Variants in CAPG observed in about 807,000 individuals in gnomAD.
CAPG encodes the protein macrophage-capping protein.
CAPG carries 32 observed loss-of-function variants against 44.6 expected under a neutral mutation model. The observed-to-expected ratio is 0.72, with a 90% CI of 0.54 to 0.96. The LOEUF is 0.96. Among genes scored for constraint, CAPG ranks in the 50% least tolerant of loss-of-function variants. The probability of loss-of-function intolerance (pLI) is 0.00; values close to 1 mark genes in which losing one functional copy is unlikely to be tolerated. For synonymous variants in CAPG, 175 were observed against 179.6 expected (o/e 0.97, Z 0.20); for missense variants, 412 against 438.3 (o/e 0.94, Z 0.54).
In CAPG at chr2:85,398,077, A is replaced by G. The variant is rs780829751; in HGVS notation, c.835T>C (p.Ser279Pro). 2 of 1,614,108 alleles carry G rather than the reference A, an allele frequency of 1.2e-6. No homozygotes were observed. Among genetic ancestry groups the G allele is most frequent in the Non-Finnish European group, 1.7e-6 (2 of 1,179,994 alleles). ...TTGTCCAGCACAAAGCAGTCATCAGATATCAGCAGTTCAAGGGCAAATGGG... is the reference window on the plus strand; with the variant it reads ...TTGTCCAGCACAAAGCAGTCATCAGGTATCAGCAGTTCAAGGGCAAATGGG... ...SSPFALELLI[S>P]DDCFVLDNGL... Residue 279 changes from serine to proline, a missense_variant, in exon 8 of 10, where the codon TCT becomes CCT. Physicochemically the swap from Ser to Pro is moderately conservative, Grantham distance 74. Coordinates refer to ENST00000263867, the MANE Select transcript of CAPG (RefSeq NM_001747.4).
intron 1 of CAPG, among the ~76,000 whole-genome samples, chr2:85,403,984 C>T (rs75000263): frequency 0.032 from 4,760 of 150,832 alleles, 147 homozygotes; most frequent in Non-Finnish European, 0.044. Flanking sequence ...AGGTTTATCC[C>T]AGGAATGCAA....
intron 5 of CAPG, 64 bp downstream of exon 5, chr2:85,401,101 T>C: frequency 6.7e-7 from 1 of 1,494,756 alleles, no homozygotes; most frequent in South Asian, 1.2e-5. Context: ...CCTGGCCTCC[T>C]GCCCCTCCGT....
chr2:85,405,080 T>C (rs1270949804), intron 1 of CAPG, among the ~76,000 whole-genome samples: 1 of 152,088 alleles, frequency 6.6e-6, no homozygotes, highest in Admixed American at 6.6e-5. Context: ...GCTCTAATTC[T>C]AAACTCCCTC....
chr2:85,412,223 G>A (rs1282181293), upstream of CAPG, among the ~76,000 whole-genome samples: 1 of 152,050 alleles, frequency 6.6e-6, no homozygotes, highest in East Asian at 1.9e-4. Context: ...TAAAAATAGG[G>A]TAATATGGGC....
upstream of CAPG, among the ~76,000 whole-genome samples, chr2:85,412,661 C>T (rs1192910670): frequency 1.3e-5 from 2 of 151,954 alleles, no homozygotes; most frequent in Non-Finnish European, 2.9e-5. Context: ...ACGAGTTTAC[C>T]TATATAACAA....
rs760023958 is a variant in CAPG at position 85,398,114 on chromosome 2, C to A, written c.798G>T (p.Val266=). Residue 266 remains valine, a synonymous_variant, in exon 8 of 10, where the codon GTG becomes GTT. Transcript: ENST00000263867. ...DATGQMNLTK[V]ADSSPFALEL... is the part of the protein sequence containing the mutation. ...CAAGGGCAAATGGGCTGGAGTCAGC[C>A]ACCTTGGTCAGGTTCATCTGTCCAG... The A allele has an allele frequency of 6.2e-7, 1 of 1,614,070 alleles. No homozygotes were observed. Among genetic ancestry groups the A allele is most frequent in the Non-Finnish European group, 8.5e-7 (1 of 1,180,020 alleles).
intron 1 of CAPG, among the ~76,000 whole-genome samples, chr2:85,416,622 C>T (rs1687558430): frequency 6.6e-6 from 1 of 152,192 alleles, no homozygotes; most frequent in South Asian, 2.1e-4. Context: ...AAGTGATTCT[C>T]CTGCCTCAGC....
intron 5 of CAPG, among the ~76,000 whole-genome samples, chr2:85,400,792 G>A (rs1686846808): frequency 6.6e-6 from 1 of 152,092 alleles, no homozygotes. Flanking sequence ...GTTATGGCAA[G>A]TGACTGGCCC....
upstream of CAPG, among the ~76,000 whole-genome samples, chr2:85,411,765 A>G (rs1404093627): frequency 1.3e-5 from 2 of 152,188 alleles, no homozygotes; most frequent in African/African-American, 2.4e-5. Flanking sequence ...TCTGGAGAAA[A>G]TACAGTACTG....
At chr2:85,402,013 C>A in intron 2 of CAPG, 56 bp from the exon 3 acceptor site, 1 of 1,609,278 alleles carries the variant, frequency 6.2e-7, no homozygotes, top group Middle Eastern at 1.7e-4. Flanking sequence ...AAGCACAGCC[C>A]TGGGCAGGCC....
upstream of CAPG, among the ~76,000 whole-genome samples, chr2:85,412,888 G>C (rs1200462265): frequency 2.0e-5 from 3 of 152,290 alleles, no homozygotes; most frequent in African/African-American, 7.2e-5. Flanking sequence ...CGTGCATACA[G>C]TTAAATGTGA....
At chr2:85,414,068 G>C (rs1295292791), upstream of CAPG, 2 of 152,430 alleles carry the variant, frequency 1.3e-5, no homozygotes, top group Non-Finnish European at 2.9e-5. Context: ...GCCGCCCCCG[G>C]TGAGTCAGAG....
rs758457470 is a variant in CAPG at position 85,401,670 on chromosome 2, G to A, written c.210C>T (p.Ser70=). Residue 70 remains serine (S), a synonymous_variant, in exon 4 of 10, where the codon TCC becomes TCT. Transcript: ENST00000263867. ...CGGCACAGGCCCCCTGCTCATCCCG[G>A]GATGACTGCTGGCCTGGGACAAGTG... ...HLHLWIGQQS[S]RDEQGACAVL... 9.3e-6 allele frequency: 15 copies of A among 1,614,054 alleles called. No homozygotes were observed. The highest frequency in any genetic ancestry group is 1.2e-5 in the Non-Finnish European group (14 of 1,180,026).
At chr2:85,404,469 G>A (rs898354072) in intron 1 of CAPG, among the ~76,000 whole-genome samples, 1 of 152,084 alleles carries the variant, frequency 6.6e-6, no homozygotes, top group Non-Finnish European at 1.5e-5. Context: ...AATCAGCCAA[G>A]GCCAGGTGCA....
In CAPG at chr2:85,394,827, C is replaced by A; in HGVS notation, c.*66G>T. The A allele has an allele frequency of 8.6e-7, 1 of 1,162,642 alleles. No individual in the cohort carries two copies. Among genetic ancestry groups the A allele is most frequent in the Non-Finnish European group, 1.3e-6 (1 of 767,150 alleles). 72.0% of individuals were successfully genotyped at this position (1,162,642 alleles called of 1,614,324 possible). On this transcript the variant is annotated 3_prime_UTR_variant, in exon 10 of 10. Transcript: ENST00000263867. ...AGGGGGCACCTCTGCACTGACCAGGCAGCCAGAGAAGCAAGCAGGCAGGTG... is the reference window on the plus strand; with the variant it reads ...AGGGGGCACCTCTGCACTGACCAGGAAGCCAGAGAAGCAAGCAGGCAGGTG...
intron 1 of CAPG, chr2:85,408,877 G>C (rs1197053990): frequency 6.6e-6 from 1 of 152,220 alleles, no homozygotes; most frequent in Non-Finnish European, 1.5e-5. Flanking sequence ...ATCTAGTCCT[G>C]CTCTGCCTGC....
At chr2:85,408,381 A>ACACACACACACACAG (rs1687270368) in intron 1 of CAPG, among the ~76,000 whole-genome samples, 1 of 56,584 alleles carries the variant, frequency 1.8e-5, no homozygotes, top group African/African-American at 6.7e-5. Flanking sequence ...CACACACACA[A>ACACACACACACACAG]GCCCCCTTAT....
chr2:85,396,686 T>A (rs1686615582), intron 8 of CAPG, among the ~76,000 whole-genome samples: 1 of 152,124 alleles, frequency 6.6e-6, no homozygotes, highest in South Asian at 2.1e-4. Context: ...CCCCTCTGCT[T>A]GGCATTGGTT....
intron 1 of CAPG, among the ~76,000 whole-genome samples, chr2:85,404,785 C>T (rs186577611): frequency 5.3e-5 from 8 of 151,522 alleles, no homozygotes; most frequent in Admixed American, 3.3e-4. Context: ...AAAAATCAGC[C>T]AAATGTGGTA....
Sources: gnomAD v4.1 joint callset for allele counts (sites outside exome capture counted in the v4.1 genomes callset) on GRCh38, gnomAD v4.1.1 for gene constraint, MANE v1.5 for transcripts, NCBI Gene and HGNC (gene_info 2026-07-23, HGNC 2026-07-21) for gene names.